Variants in NR1I2 observed in about 807,000 individuals in gnomAD.
NR1I2 encodes orphan nuclear receptor PAR1.
A neutral mutation model predicts 43.3 loss-of-function variants in NR1I2; 42 were observed. That is an observed-to-expected ratio of 0.97 (90% CI 0.76 to 1.26). The LOEUF (loss-of-function observed/expected upper bound fraction) is 1.26, where lower values mean the gene tolerates loss of function less well. Ranked by LOEUF, NR1I2 falls within the 50% of genes most tolerant of loss-of-function variation. NR1I2 has a pLI of 0.00. For missense variants in NR1I2, 559 were observed against 566.7 expected (o/e 0.99, Z 0.14); for synonymous variants, 229 against 215.0 (o/e 1.06, Z -0.57).
chr3:119,806,603 C>T (rs943142939), intron 1 of NR1I2, among the ~76,000 whole-genome samples: 1 of 152,116 alleles, frequency 6.6e-6, no homozygotes, highest in African/African-American at 2.4e-5. Flanking sequence ...TATTAATAGG[C>T]ACAAGTTCTT....
intron 4 of NR1I2, 145 bp downstream of exon 4, chr3:119,811,871 T>C: frequency 1.2e-6 from 1 of 826,078 alleles, no homozygotes. Flanking sequence ...GTCCTGCATC[T>C]GTGCTAGCTC....
chr3:119,795,572 T>C (rs571587354), intron 1 of NR1I2, among the ~76,000 whole-genome samples: 1 of 152,270 alleles, frequency 6.6e-6, no homozygotes, highest in East Asian at 1.9e-4. Context: ...CCTCATCTCC[T>C]AATGCTGCCT....
chr3:119,782,619 TG>T (rs1423948721), intron 1 of NR1I2: 15 of 658,676 alleles, frequency 2.3e-5, no homozygotes, highest in Middle Eastern at 4.0e-4. Flanking sequence ...GTTACAGGGC[TG>T]GAGTCCCTGG....
At chr3:119,808,670 C>T (rs1396720552) in intron 2 of NR1I2, among the ~76,000 whole-genome samples, 2 of 152,234 alleles carry the variant, frequency 1.3e-5, no homozygotes, top group African/African-American at 4.8e-5. Context: ...AAAGCTAAAT[C>T]CAGTATCAGG....
chr3:119,804,379 A>T lies in NR1I2; in HGVS notation c.-22-2850A>T, dbSNP rs188044241. On this transcript the variant is annotated intron_variant, in intron 1 of 8. Coordinates refer to ENST00000393716, the MANE Select transcript of NR1I2 (RefSeq NM_003889.4). Reference sequence around the variant, plus strand: ...GACAGAGCGAGACTCCGTCTCAAAAAATATATATATACATATATATTTACA... The same window carrying T: ...GACAGAGCGAGACTCCGTCTCAAAATATATATATATACATATATATTTACA... Among the ~76,000 whole-genome samples, 485 of 150,220 alleles carry T rather than the reference A, an allele frequency of 3.2e-3. 1 individual carries two copies. The highest frequency in any genetic ancestry group is 6.2e-3 in the African/African-American group (254 of 41,272).
chr3:119,791,824 G>A (rs114945212), intron 1 of NR1I2: 1 of 520,068 alleles, frequency 1.9e-6, no homozygotes, highest in Non-Finnish European at 3.7e-6. Flanking sequence ...AGAAAACATA[G>A]CTGCCAAGTG....
intron 7 of NR1I2, 90 bp from the exon 8 acceptor site, chr3:119,815,636 G>A: frequency 8.2e-7 from 1 of 1,214,994 alleles, no homozygotes; most frequent in South Asian, 1.3e-5. Context: ...TCCAGCTCTG[G>A]AGGGTGGTTG....
At chr3:119,816,320 A>G (rs1213419756) in intron 8 of NR1I2, among the ~76,000 whole-genome samples, 1 of 152,018 alleles carries the variant, frequency 6.6e-6, no homozygotes, top group East Asian at 1.9e-4. Context: ...CTTTTCCATC[A>G]TGGGGATACT....
intron 1 of NR1I2, among the ~76,000 whole-genome samples, chr3:119,801,179 A>G (rs1049720161): frequency 6.6e-6 from 1 of 152,234 alleles, no homozygotes; most frequent in Non-Finnish European, 1.5e-5. Context: ...TAAATGAATT[A>G]TATTCTTCCT....
In NR1I2 at chr3:119,787,657, ATGTGTGTGTGTGTGTGTGTGTGTGTG is replaced by A. The variant is rs3030846; in HGVS notation, c.-23+5382_-23+5407del. 3.1e-5 allele frequency among the ~76,000 whole-genome samples: 4 copies of A among 128,514 alleles called. No individual in the cohort carries two copies. The East Asian group carries it at 6.8e-4, about 22-fold the overall frequency. The allele number at this position is 128,514 out of a possible 152,430, so 84.3% of individuals were successfully genotyped here. A position where few individuals can be genotyped will look rare whatever the true frequency, so the allele number is the denominator to read the frequency against. ...TCCTCTGGCCAGTTCTGCTATTAAT[ATGTGTGTGTGTGTGTGTGTGTGTGTG>A]TGTGTGTGTGTGTGTGTGTGTGTGG... On this transcript the variant is annotated intron_variant, in intron 1 of 8. Transcript: ENST00000393716.
intron 1 of NR1I2, among the ~76,000 whole-genome samples, chr3:119,786,223 A>T (rs113628719): frequency 0.01 from 1,529 of 152,310 alleles, 24 homozygotes; most frequent in African/African-American, 0.034. Flanking sequence ...TGTGGTTGCC[A>T]CGTTCTGTTT....
At chr3:119,814,499 C>T (rs11917714) in intron 5 of NR1I2, among the ~76,000 whole-genome samples, 36,374 of 151,980 alleles carry the variant, frequency 0.24, 4,796 homozygotes, top group East Asian at 0.47. Flanking sequence ...GCCAAAAGGG[C>T]GGCACTTTCA....
At chr3:119,801,199 C>T (rs940470124) in intron 1 of NR1I2, among the ~76,000 whole-genome samples, 8 of 152,176 alleles carry the variant, frequency 5.3e-5, no homozygotes, top group East Asian at 3.8e-4. Flanking sequence ...TTTCTGAGAA[C>T]GTAGTCCTTA....
At chr3:119,798,492 A>G (rs2055029263) in intron 1 of NR1I2, among the ~76,000 whole-genome samples, 1 of 152,100 alleles carries the variant, frequency 6.6e-6, no homozygotes, top group Admixed American at 6.5e-5. Flanking sequence ...GCTATCATCA[A>G]AATCTAATTC....
At position 119,792,478 on chromosome 3, in the gene NR1I2, G is replaced by A. The variant is rs115020350; in HGVS notation, c.-23+10178G>A. On this transcript the variant is annotated intron_variant, in intron 1 of 8. Coordinates refer to ENST00000393716, the MANE Select transcript of NR1I2 (RefSeq NM_003889.4). Reference sequence around the variant, plus strand: ...AGCTGGAAGCTGCAGAGGACATCACGTACCAGCTCTCTCGCTCTTGGAACA... The same window carrying A: ...AGCTGGAAGCTGCAGAGGACATCACATACCAGCTCTCTCGCTCTTGGAACA... 1,134 of 1,081,404 alleles carry A rather than the reference G, an allele frequency of 1.0e-3. 9 individuals are homozygous for A. In the African/African-American group the frequency reaches 0.016, roughly 15 times the overall value. The allele number at this position is 1,081,404 out of a possible 1,614,324, so 67.0% of individuals were successfully genotyped here. A position where few individuals can be genotyped will look rare whatever the true frequency, so the allele number is the denominator to read the frequency against.
chr3:119,795,705 GT>G (rs746990775), intron 1 of NR1I2, among the ~76,000 whole-genome samples: 2 of 152,140 alleles, frequency 1.3e-5, no homozygotes, highest in Non-Finnish European at 2.9e-5. Context: ...CACTGCCTTA[GT>G]TTTCCCTCTC....
chr3:119,800,674 G>T (rs77140831), intron 1 of NR1I2, among the ~76,000 whole-genome samples: 1 of 152,154 alleles, frequency 6.6e-6, no homozygotes, highest in Admixed American at 6.5e-5. Flanking sequence ...CCTTCAGAGC[G>T]TATAGGACAA....
chr3:119,782,929 ACC>A, intron 1 of NR1I2: 1 of 1,230,922 alleles, frequency 8.1e-7, no homozygotes, highest in African/African-American at 1.5e-5. Context: ...GGTCAGTGCC[ACC>A]AGGTCCTTCT....
intron 1 of NR1I2, chr3:119,802,965 A>T (rs2055100490): frequency 2.2e-6 from 1 of 456,554 alleles, no homozygotes; most frequent in Admixed American, 2.3e-5. Context: ...TGATGGCTTT[A>T]GAAGATGGGG....
Sources: allele counts gnomAD v4.1 joint callset (sites outside exome capture counted in the v4.1 genomes callset), GRCh38; gene constraint gnomAD v4.1.1; transcripts MANE v1.5; gene names NCBI Gene and HGNC (gene_info 2026-07-23, HGNC 2026-07-21).